The following UNC5D variants were observed in gnomAD, a reference collection of about 807,000 sequenced individuals.
UNC5D encodes unc-5 netrin receptor D.
Under a neutral mutation model 105.4 loss-of-function variants are expected in UNC5D, and 39 were observed. The ratio of observed to expected loss-of-function variants is 0.37; its 90% confidence interval spans 0.29 to 0.48. The LOEUF is 0.48. UNC5D is among the 20% of genes least tolerant of loss of function. The pLI, the probability that UNC5D is intolerant of heterozygous loss-of-function variation, is 0.98. For missense variants in UNC5D, 991 were observed against 1,202.4 expected, an observed-to-expected ratio of 0.82 and a Z score of 2.60; for synonymous variants, 452 against 450.4, an observed-to-expected ratio of 1.00 and a Z score of -0.04.
chr8:35,539,854 G>A (rs1038876055), intron 1 of UNC5D, among the ~76,000 whole-genome samples: 7 of 152,032 alleles, frequency 4.6e-5, no homozygotes, highest in South Asian at 2.1e-4. Flanking sequence ...TTACAGTTTC[G>A]TTTTCCCTCT....
At chr8:35,589,081 A>C (rs931641929) in intron 3 of UNC5D, among the ~76,000 whole-genome samples, 1 of 152,106 alleles carries the variant, frequency 6.6e-6, no homozygotes, top group Non-Finnish European at 1.5e-5. Context: ...ACAGGTGTTT[A>C]ATGCAGGTGT....
chr8:35,488,355 T>A (rs1810966422), intron 1 of UNC5D, among the ~76,000 whole-genome samples: 1 of 152,204 alleles, frequency 6.6e-6, no homozygotes, highest in Non-Finnish European at 1.5e-5. Context: ...GCTGTCCAGC[T>A]GTGAACATGG....
At chr8:35,650,622 C>G (rs1823345861) in intron 4 of UNC5D, among the ~76,000 whole-genome samples, 1 of 152,110 alleles carries the variant, frequency 6.6e-6, no homozygotes, top group African/African-American at 2.4e-5. Context: ...CATGTGCCAC[C>G]ATGCCCAGCT....
At chr8:35,269,568 A>G (rs1805131521) in intron 1 of UNC5D, among the ~76,000 whole-genome samples, 2 of 152,164 alleles carry the variant, frequency 1.3e-5, no homozygotes, top group South Asian at 4.1e-4. Context: ...TATCTTTCCC[A>G]GTAATACATA....
intron 1 of UNC5D, among the ~76,000 whole-genome samples, chr8:35,453,378 G>A (rs1265984012): frequency 6.6e-6 from 1 of 152,102 alleles, no homozygotes; most frequent in East Asian, 1.9e-4. Flanking sequence ...GTGCTAAAAA[G>A]GAAATCCAAG....
chr8:35,362,430 T>G (rs1801906561), intron 1 of UNC5D, among the ~76,000 whole-genome samples: 1 of 152,214 alleles, frequency 6.6e-6, no homozygotes, highest in South Asian at 2.1e-4. Flanking sequence ...TCTAGCTAAG[T>G]GCATAGGTTT....
intron 4 of UNC5D, among the ~76,000 whole-genome samples, chr8:35,659,268 C>T (rs1823972366): frequency 6.6e-6 from 1 of 152,026 alleles, no homozygotes; most frequent in Non-Finnish European, 1.5e-5. Context: ...AATGACAGCC[C>T]CATGATTGAA....
chr8:35,658,515 G>A (rs1300709385), intron 4 of UNC5D, among the ~76,000 whole-genome samples: 2 of 152,212 alleles, frequency 1.3e-5, no homozygotes, highest in African/African-American at 4.8e-5. Context: ...CAAGTACCCA[G>A]ATGCTGTGTA....
intron 4 of UNC5D, among the ~76,000 whole-genome samples, chr8:35,596,351 T>G (rs934156307): frequency 6.6e-6 from 1 of 152,140 alleles, no homozygotes; most frequent in African/African-American, 2.4e-5. Flanking sequence ...TTATTCACAA[T>G]GAAAAGATGA....
intron 4 of UNC5D, among the ~76,000 whole-genome samples, chr8:35,644,379 C>T (rs942708214): frequency 6.6e-6 from 1 of 152,096 alleles, no homozygotes; most frequent in Admixed American, 6.6e-5. Flanking sequence ...AGTCTATCCA[C>T]AGGGGACCAA....
rs573590632 is a variant in UNC5D at position 35,423,567 on chromosome 8, C to T, written c.104-125725C>T. The stretch of plus-strand genomic sequence containing the variant: ...AAATTTCCTCAGATTTTCAGTGTTT[C>T]GGTGTAATAAACAGGAAAATGGCAA... On this transcript the variant is annotated intron_variant, in intron 1 of 16. Transcript: ENST00000404895. 5.3e-5 allele frequency among the ~76,000 whole-genome samples: 8 copies of T among 152,198 alleles called. 1 individual carries two copies. In the South Asian group the frequency reaches 8.3e-4, roughly 16 times the overall value.
At chr8:35,571,187 G>C (rs1420872579) in intron 3 of UNC5D, among the ~76,000 whole-genome samples, 1 of 151,976 alleles carries the variant, frequency 6.6e-6, no homozygotes, top group Non-Finnish European at 1.5e-5. Flanking sequence ...CACCTTTTTA[G>C]AATCATAAAA....
intron 1 of UNC5D, among the ~76,000 whole-genome samples, chr8:35,498,152 GGAAAAAGGA>G (rs1811733554): frequency 6.9e-6 from 1 of 145,636 alleles, no homozygotes; most frequent in Non-Finnish European, 1.5e-5. Context: ...AATATTTCAA[GGAAAAAGGA>G]ACTGTTAAAG....
chr8:35,301,049 A>G (rs1321936952), intron 1 of UNC5D, among the ~76,000 whole-genome samples: 1 of 152,220 alleles, frequency 6.6e-6, no homozygotes, highest in Non-Finnish European at 1.5e-5. Flanking sequence ...TCCAGTAGCA[A>G]CAAGCACACC....
intron 4 of UNC5D, among the ~76,000 whole-genome samples, chr8:35,607,469 G>A (rs879480864): frequency 4.6e-5 from 7 of 152,108 alleles, no homozygotes; most frequent in Non-Finnish European, 8.8e-5. Context: ...CTAGTTATTG[G>A]CAATCTTTGG....
intron 4 of UNC5D, among the ~76,000 whole-genome samples, chr8:35,677,810 A>G (rs1825353506): frequency 6.6e-6 from 1 of 151,898 alleles, no homozygotes; most frequent in Admixed American, 6.6e-5. Flanking sequence ...TGGGGTCTGT[A>G]TATATGTAAA....
At chr8:35,722,576 G>A (rs1828640547) in intron 9 of UNC5D, among the ~76,000 whole-genome samples, 181 bp downstream of exon 9, 1 of 152,202 alleles carries the variant, frequency 6.6e-6, no homozygotes, top group African/African-American at 2.4e-5. Flanking sequence ...GTCCTTGTCT[G>A]CCACAGGGAC....
chr8:35,329,452 G>T (rs1345474779), intron 1 of UNC5D, among the ~76,000 whole-genome samples: 2 of 150,794 alleles, frequency 1.3e-5, no homozygotes, highest in Admixed American at 6.6e-5. Context: ...GATAGAAAAA[G>T]TAGACATCAA....
At chr8:35,239,801 C>T (rs1802692181) in intron 1 of UNC5D, among the ~76,000 whole-genome samples, 1 of 152,168 alleles carries the variant, frequency 6.6e-6, no homozygotes. Context: ...CAGAATAGAT[C>T]AATGGAAACG....
Sources: gnomAD v4.1 joint callset for allele counts (sites outside exome capture counted in the v4.1 genomes callset) on GRCh38, gnomAD v4.1.1 for gene constraint, MANE v1.5 for transcripts, NCBI Gene and HGNC (gene_info 2026-07-23, HGNC 2026-07-21) for gene names.